Variants in CNIH3 observed in about 807,000 individuals in gnomAD.
The protein encoded by CNIH3 is cornichon family AMPA receptor auxiliary protein 3.
A neutral mutation model predicts 24.1 loss-of-function variants in CNIH3; 14 were observed. The observed-to-expected ratio is 0.58, with a 90% CI of 0.38 to 0.91. The LOEUF is 0.91. Ranked by LOEUF, CNIH3 falls within the 40% of genes least tolerant of loss-of-function variation. CNIH3 has a pLI of 0.00. For missense variants in CNIH3, 178 were observed against 196.8 expected, an observed-to-expected ratio of 0.90 and a Z score of 0.57; for synonymous variants, 68 against 73.8, an observed-to-expected ratio of 0.92 and a Z score of 0.40.
intron 1 of CNIH3, among the ~76,000 whole-genome samples, chr1:224,678,462 A>C (rs1686243264): frequency 6.6e-6 from 1 of 152,188 alleles, no homozygotes; most frequent in Non-Finnish European, 1.5e-5. Flanking sequence ...ACAGTACTTT[A>C]CACACTTTAG....
chr1:224,661,687 T>C lies in CNIH3; in HGVS notation c.82-19271T>C, dbSNP rs533104452. The C allele has an allele frequency of 2.4e-5, 5 of 208,130 alleles. No homozygotes were observed. In the East Asian group the frequency reaches 5.3e-4, roughly 22 times the overall value. The allele number at this position is 208,130 out of a possible 1,614,324, so 12.9% of individuals were successfully genotyped here. ...CTACCATTTAATCCTCCTTCTGGTTTAATATAAATTAAGCTATCTTATTTT... is the reference window on the plus strand; with the variant it reads ...CTACCATTTAATCCTCCTTCTGGTTCAATATAAATTAAGCTATCTTATTTT... On this transcript the variant is annotated intron_variant, in intron 1 of 5. Coordinates refer to ENST00000272133, the MANE Select transcript of CNIH3 (RefSeq NM_152495.2).
At chr1:224,467,206 T>G (rs936496868) in intron 1 of CNIH3, among the ~76,000 whole-genome samples, 3 of 152,144 alleles carry the variant, frequency 2.0e-5, no homozygotes, top group African/African-American at 7.2e-5. Flanking sequence ...TTTCTGTTTT[T>G]TGTAGAGACA....
intron 1 of CNIH3, among the ~76,000 whole-genome samples, chr1:224,669,058 A>T (rs1433112047): frequency 6.6e-6 from 1 of 152,132 alleles, no homozygotes. Flanking sequence ...GTTAGCAGAA[A>T]AGGGCCTTCT....
At chr1:224,603,699 A>G (rs1238486895) in intron 3 of CNIH3, among the ~76,000 whole-genome samples, 1 of 152,198 alleles carries the variant, frequency 6.6e-6, no homozygotes, top group Non-Finnish European at 1.5e-5. Context: ...AAATAATAAA[A>G]TTATTTTGTA....
intron 1 of CNIH3, among the ~76,000 whole-genome samples, chr1:224,497,180 A>G (rs774867717): frequency 6.6e-6 from 1 of 152,252 alleles, no homozygotes; most frequent in Non-Finnish European, 1.5e-5. Context: ...ATCTATAGAG[A>G]CAGAAAGTAG....
chr1:224,714,176 C>G (rs1688306259), intron 3 of CNIH3, among the ~76,000 whole-genome samples: 1 of 152,228 alleles, frequency 6.6e-6, no homozygotes, highest in African/African-American at 2.4e-5. Context: ...TTTTAAGCAG[C>G]CTCTACAAGG....
intron 3 of CNIH3, among the ~76,000 whole-genome samples, chr1:224,607,170 C>T (rs904948916): frequency 1.3e-5 from 2 of 152,222 alleles, no homozygotes; most frequent in African/African-American, 4.8e-5. Context: ...TGTGCTTCCA[C>T]ACAGCTGGAC....
At chr1:224,583,564 A>C (rs959700031) in intron 5 of CNIH3, among the ~76,000 whole-genome samples, 3 of 152,208 alleles carry the variant, frequency 2.0e-5, no homozygotes, top group African/African-American at 7.2e-5. Context: ...ATGGTAAGCT[A>C]TGGTGGAGGG....
upstream of CNIH3, chr1:224,615,165 G>C (rs1682895790): frequency 6.6e-6 from 1 of 152,120 alleles, no homozygotes; most frequent in East Asian, 1.9e-4. Context: ...TAGCACACCA[G>C]AGTCAGAATC....
intron 3 of CNIH3, among the ~76,000 whole-genome samples, chr1:224,549,063 G>A (rs1191473964): frequency 6.6e-6 from 1 of 152,024 alleles, no homozygotes; most frequent in Non-Finnish European, 1.5e-5. Flanking sequence ...TCACAGTGGT[G>A]TACACTTTGT....
chr1:224,573,279 ATCT>A (rs2125003279), intron 4 of CNIH3, among the ~76,000 whole-genome samples: 1 of 152,228 alleles, frequency 6.6e-6, no homozygotes, highest in South Asian at 2.1e-4. Context: ...TTTTCATTCA[ATCT>A]TCCTTTTCTC....
chr1:224,642,768 C>G (rs1684420332), intron 1 of CNIH3, among the ~76,000 whole-genome samples: 1 of 152,146 alleles, frequency 6.6e-6, no homozygotes, highest in Non-Finnish European at 1.5e-5. Context: ...TGTCTTAGAA[C>G]TGCACATATA....
chr1:224,456,540 A>G (rs941832375), intron 1 of CNIH3, among the ~76,000 whole-genome samples: 1 of 152,112 alleles, frequency 6.6e-6, no homozygotes, highest in Non-Finnish European at 1.5e-5. Context: ...CTTCCCAAGC[A>G]GTTGGGACAA....
chr1:224,513,909 C>T (rs922285376), upstream of CNIH3: 3 of 152,366 alleles, frequency 2.0e-5, no homozygotes, highest in Non-Finnish European at 4.4e-5. Flanking sequence ...ACCAAACCCG[C>T]ACGTTTCTGC....
Position 224,527,622 on chromosome 1 carries a change from G to A in CNIH3, n.343+6295G>A, listed in dbSNP as rs557180482. Among the ~76,000 whole-genome samples the A allele has an allele frequency of 4.6e-5, 7 of 152,230 alleles. No homozygotes were observed. In the East Asian group the frequency reaches 1.2e-3, roughly 25 times the overall value. On this transcript the variant is annotated intron_variant and non_coding_transcript_variant, in intron 2 of 2. Transcript: ENST00000470602. ...GATGGAATCTTATGCAGAATTTTAT[G>A]CAAAGTAGTTTCTAAAAAGACTTTT...
chr1:224,672,480 T>C (rs908170449), intron 1 of CNIH3, among the ~76,000 whole-genome samples: 1 of 152,166 alleles, frequency 6.6e-6, no homozygotes, highest in East Asian at 1.9e-4. Flanking sequence ...AGGCTAGAAG[T>C]CTGAAGACAG....
At chr1:224,728,394 C>G (rs568446710) in intron 3 of CNIH3, among the ~76,000 whole-genome samples, 18 of 152,146 alleles carry the variant, frequency 1.2e-4, no homozygotes, top group African/African-American at 4.3e-4. Flanking sequence ...ATGGCGTGCC[C>G]CCTCCTGCCA....
chr1:224,640,770 G>T (rs2125091466), intron 1 of CNIH3, among the ~76,000 whole-genome samples: 1 of 152,198 alleles, frequency 6.6e-6, no homozygotes, highest in Non-Finnish European at 1.5e-5. Flanking sequence ...AGATAACAAG[G>T]GATCTCTGCC....
Position 224,718,875 on chromosome 1 carries a change from G to T in CNIH3, c.199-11587G>T, listed in dbSNP as rs149319537. 221 of 152,368 alleles carry T rather than the reference G, an allele frequency of 1.5e-3. 1 individual carries two copies. Among genetic ancestry groups the T allele is most frequent in the Admixed American group, 3.1e-3 (48 of 15,306 alleles). 9.4% of individuals were successfully genotyped at this position (152,368 alleles called of 1,614,324 possible). A position where few individuals can be genotyped will look rare whatever the true frequency, so the allele number is the denominator to read the frequency against. On this transcript the variant is annotated intron_variant, in intron 3 of 5. Coordinates refer to ENST00000272133, the MANE Select transcript of CNIH3 (RefSeq NM_152495.2). ...TCTCCATGTGTGCCTGCCAGGTCGC[G>T]TGTCTGCTCTGGTTTCCCCACTACC...
Sources: allele counts gnomAD v4.1 joint callset (sites outside exome capture counted in the v4.1 genomes callset), GRCh38; gene constraint gnomAD v4.1.1; transcripts MANE v1.5; gene names NCBI Gene and HGNC (gene_info 2026-07-23, HGNC 2026-07-21).